ATP6V0A4: variants seen among roughly 807,000 people sequenced by gnomAD.
ATP6V0A4 encodes the protein V-type proton ATPase 116 kDa subunit a 4.
In ATP6V0A4, 86 loss-of-function variants were observed where a neutral mutation model predicts 107.3. The ratio of observed to expected loss-of-function variants is 0.80; its 90% CI spans 0.67 to 0.96. The LOEUF (loss-of-function observed/expected upper bound fraction) is 0.96. Among genes scored for constraint, ATP6V0A4 ranks in the 40% least tolerant of loss-of-function variants. The probability of loss-of-function intolerance (pLI) is 0.00; values close to 1 mark genes in which losing one functional copy is unlikely to be tolerated. For synonymous variants in ATP6V0A4, 353 were observed against 381.4 expected (o/e 0.93, Z 0.87); for missense variants, 908 against 1,045.6 (o/e 0.87, Z 1.81).
At chr7:138,766,203 A>AT (rs66782802) in intron 5 of ATP6V0A4, among the ~76,000 whole-genome samples, 171 of 88,370 alleles carry the variant, frequency 1.9e-3, no homozygotes, top group Non-Finnish European at 3.0e-3. Context: ...TGTTATTATT[A>AT]TTTTTTTTTT....
At chr7:138,786,494 G>T (rs564620206) in intron 1 of ATP6V0A4, among the ~76,000 whole-genome samples, 1 of 151,834 alleles carries the variant, frequency 6.6e-6, no homozygotes, top group African/African-American at 2.4e-5. Context: ...TGGGAGGATC[G>T]CTTGAGCCAG....
chr7:138,730,175 C>T lies in ATP6V0A4; in HGVS notation c.1909-1313G>A, dbSNP rs148415031. Reference sequence around the variant, plus strand: ...CTGGGGTTACAGGCATGAGCCGCCGCGCCTGGCCTCACTCTACTTTTAAAT... The same window carrying T: ...CTGGGGTTACAGGCATGAGCCGCCGTGCCTGGCCTCACTCTACTTTTAAAT... On this transcript the variant is annotated intron_variant, in intron 17 of 21. Coordinates refer to ENST00000310018, the MANE Select transcript of ATP6V0A4 (RefSeq NM_020632.3). Among the ~76,000 whole-genome samples, 520 of 152,332 alleles carry T rather than the reference C, an allele frequency of 3.4e-3. 3 individuals are homozygous for T. Among genetic ancestry groups the T allele is most frequent in the African/African-American group, 0.012 (483 of 41,570 alleles).
In ATP6V0A4 at chr7:138,756,449, C is replaced by A. The variant is rs202214718; in HGVS notation, c.722+9G>T. 4 of 1,613,614 alleles carry A rather than the reference C, an allele frequency of 2.5e-6. No individual in the cohort carries two copies. The highest frequency in any genetic ancestry group is 4.5e-5 in the East Asian group (2 of 44,846). ...ATCACTGAAGAAAGAGCCATTCACT[C>A]CCTCTTACCCATCACAGATCTTCTT... On this transcript the variant is annotated intron_variant, in intron 9 of 21. Transcript: ENST00000310018.
chr7:138,790,094 A>G (rs1331832999), intron 1 of ATP6V0A4, among the ~76,000 whole-genome samples: 1 of 152,150 alleles, frequency 6.6e-6, no homozygotes, highest in Non-Finnish European at 1.5e-5. Context: ...AAACCACCCA[A>G]AACTGTACAT....
At chr7:138,751,518 C>T (rs1454926662) in intron 11 of ATP6V0A4, among the ~76,000 whole-genome samples, 2 of 151,204 alleles carry the variant, frequency 1.3e-5, no homozygotes, top group East Asian at 2.0e-4. Flanking sequence ...TGCCCCTCGC[C>T]GTCCCCTGCT....
chr7:138,794,359 C>T (rs1339017700), intron 1 of ATP6V0A4, among the ~76,000 whole-genome samples: 1 of 152,080 alleles, frequency 6.6e-6, no homozygotes, highest in East Asian at 1.9e-4. Flanking sequence ...CAGGTGGCAA[C>T]GGGGCCTATC....
chr7:138,708,202 C>A lies in ATP6V0A4; in HGVS notation c.2429+1422G>T, dbSNP rs559653630. 1.5e-3 allele frequency among the ~76,000 whole-genome samples: 228 copies of A among 152,118 alleles called. 2 individuals are homozygous for A. The highest frequency in any genetic ancestry group is 5.3e-3 in the African/African-American group (218 of 41,514). On this transcript the variant is annotated intron_variant, in intron 21 of 21. Coordinates refer to ENST00000310018, the MANE Select transcript of ATP6V0A4 (RefSeq NM_020632.3). ...GAGTAGCTGGGATTACAGGCATGCG[C>A]CACCACCCCAGCTAATTTTGTATTT...
At chr7:138,762,834 T>C in intron 6 of ATP6V0A4, 66 bp downstream of exon 6, 3 of 1,562,142 alleles carry the variant, frequency 1.9e-6, no homozygotes, top group Non-Finnish European at 2.6e-6. Flanking sequence ...GGCCAGCCAG[T>C]TTCCAAAATG....
chr7:138,756,093 T>C, intron 9 of ATP6V0A4: 1 of 521,600 alleles, frequency 1.9e-6, no homozygotes, highest in Non-Finnish European at 3.4e-6. Context: ...AATGTATTAA[T>C]ATCCTCTGCA....
At chr7:138,771,338 A>C in intron 2 of ATP6V0A4, 74 bp from the exon 3 acceptor site, 1 of 1,525,808 alleles carries the variant, frequency 6.6e-7, no homozygotes. Flanking sequence ...GAAATTTTTA[A>C]GTTAAATTAA....
rs112152588 is a variant in ATP6V0A4 at position 138,711,804 on chromosome 7, G to A, written c.2258-2009C>T. Among the ~76,000 whole-genome samples the A allele has an allele frequency of 7.6e-3, 1,154 of 152,318 alleles. 8 individuals are homozygous for A. Among genetic ancestry groups the A allele is most frequent in the Non-Finnish European group, 0.012 (836 of 68,032 alleles). On this transcript the variant is annotated intron_variant, in intron 20 of 21. Coordinates refer to ENST00000310018, the MANE Select transcript of ATP6V0A4 (RefSeq NM_020632.3). ...CATACGCAGACTTTCACGTGCACAC[G>A]AATACTCAGATGCACACACTCAGCC...
chr7:138,771,517 T>G (rs568190701), intron 2 of ATP6V0A4, among the ~76,000 whole-genome samples: 1 of 152,018 alleles, frequency 6.6e-6, no homozygotes, highest in East Asian at 1.9e-4. Flanking sequence ...TCCACCCATC[T>G]CAGCCTCCTG....
chr7:138,737,019 G>C (rs1805359710), intron 15 of ATP6V0A4, among the ~76,000 whole-genome samples: 2 of 149,586 alleles, frequency 1.3e-5, no homozygotes, highest in African/African-American at 4.9e-5. Context: ...TATGATGAAG[G>C]CCAAATATTT....
At chr7:138,718,463 G>C (rs1342536805) in intron 19 of ATP6V0A4, among the ~76,000 whole-genome samples, 2 of 101,832 alleles carry the variant, frequency 2.0e-5, no homozygotes, top group South Asian at 4.0e-4. Context: ...AGGAAGGAAT[G>C]GGGGGGATGG....
In ATP6V0A4 at chr7:138,770,679, T is replaced by C. The variant is rs148348652; in HGVS notation, c.117+452A>G. Among the ~76,000 whole-genome samples the C allele has an allele frequency of 8.5e-5, 13 of 152,310 alleles. No individual in the cohort carries two copies. In the East Asian group the frequency reaches 1.9e-3, roughly 23 times the overall value. On this transcript the variant is annotated intron_variant, in intron 3 of 21. Transcript: ENST00000310018. ...TGTCATACTCAAGACTGTCTAACTC[T>C]AGAATATCACTCTGGAACTCAATCC...
At chr7:138,769,773 G>A (rs752919411) in intron 3 of ATP6V0A4, among the ~76,000 whole-genome samples, 5 of 152,144 alleles carry the variant, frequency 3.3e-5, no homozygotes, top group Non-Finnish European at 7.4e-5. Flanking sequence ...TCACCCTCTC[G>A]TTTCTAAAAG....
intron 1 of ATP6V0A4, among the ~76,000 whole-genome samples, chr7:138,794,835 C>T (rs1402350794): frequency 6.6e-6 from 1 of 151,878 alleles, no homozygotes; most frequent in South Asian, 2.1e-4. Context: ...TAAAAAGTGG[C>T]CACACACACA....
rs59443230 is a variant in ATP6V0A4, at chr7:138,784,253, CATATAT to C, written c.-18+1899_-18+1904del. Among the ~76,000 whole-genome samples the C allele has an allele frequency of 6.3e-3, 666 of 106,154 alleles. 17 individuals are homozygous for C. Among genetic ancestry groups the C allele is most frequent in the African/African-American group, 0.033 (633 of 19,334 alleles). 69.6% of individuals were successfully genotyped at this position (106,154 alleles called of 152,430 possible). On this transcript the variant is annotated intron_variant, in intron 2 of 21. Coordinates refer to ENST00000310018, the MANE Select transcript of ATP6V0A4 (RefSeq NM_020632.3). ...ATATATACGTATATATATATATATA[CATATAT>C]ATATATACATATATATATATACATA...
intron 19 of ATP6V0A4, among the ~76,000 whole-genome samples, chr7:138,719,100 C>G (rs1017623519): frequency 1.3e-5 from 2 of 151,932 alleles, no homozygotes; most frequent in African/African-American, 2.4e-5. Flanking sequence ...GCAGGAAGAT[C>G]GCTTGGGCTC....
Sources: allele counts gnomAD v4.1 joint callset (sites outside exome capture counted in the v4.1 genomes callset), GRCh38; gene constraint gnomAD v4.1.1; transcripts MANE v1.5; gene names NCBI Gene and HGNC (gene_info 2026-07-23, HGNC 2026-07-21).